TBC1D23: variants seen among roughly 807,000 people sequenced by gnomAD.
TBC1D23 encodes the protein HCV non-structural protein 4A-transactivated protein 1.
TBC1D23 carries 55 observed loss-of-function variants against 91.4 expected under a neutral mutation model. The ratio of observed to expected loss-of-function variants is 0.60; its 90% CI spans 0.48 to 0.75. The LOEUF (loss-of-function observed/expected upper bound fraction) is 0.75. TBC1D23 is among the 30% of genes least tolerant of loss of function. TBC1D23 has a pLI of 0.00. For missense variants in TBC1D23, 725 were observed against 836.1 expected, an observed-to-expected ratio of 0.87 and a Z score of 1.64; for synonymous variants, 289 against 281.0, an observed-to-expected ratio of 1.03 and a Z score of -0.28.
At chr3:100,298,124 TC>T in intron 9 of TBC1D23, 79 bp downstream of exon 9, 1 of 1,260,730 alleles carries the variant, frequency 7.9e-7, no homozygotes, top group Non-Finnish European at 1.1e-6. Context: ...GTTCATTGAT[TC>T]CCACAAAATC....
chr3:100,271,173 G>A (rs2067596423), intron 1 of TBC1D23, among the ~76,000 whole-genome samples: 1 of 152,094 alleles, frequency 6.6e-6, no homozygotes, highest in Non-Finnish European at 1.5e-5. Flanking sequence ...ACAGAGAGTG[G>A]TCCCTATGGA....
At chr3:100,319,237 A>T in intron 17 of TBC1D23, 33 bp downstream of exon 17, 1 of 1,575,472 alleles carries the variant, frequency 6.3e-7, no homozygotes, top group Non-Finnish European at 8.6e-7. Flanking sequence ...AAGAAGTAAA[A>T]TTGAATTTGG....
intron 15 of TBC1D23, among the ~76,000 whole-genome samples, chr3:100,314,739 C>A (rs1451556995): frequency 6.6e-6 from 1 of 152,202 alleles, no homozygotes; most frequent in East Asian, 1.9e-4. Flanking sequence ...GATTGCGCCA[C>A]TGTACTCTAG....
intron 1 of TBC1D23, among the ~76,000 whole-genome samples, chr3:100,265,474 TAA>T (rs2067550402): frequency 6.6e-6 from 1 of 152,228 alleles, no homozygotes; most frequent in Non-Finnish European, 1.5e-5. Flanking sequence ...AAAATTAATA[TAA>T]GTTATGAGAA....
intron 1 of TBC1D23, among the ~76,000 whole-genome samples, chr3:100,262,560 A>G (rs1340646614): frequency 6.6e-6 from 1 of 152,056 alleles, no homozygotes; most frequent in Non-Finnish European, 1.5e-5. Context: ...CCCCGTCTCT[A>G]CTAAGAATAT....
At chr3:100,305,160 A>T (rs1705495798) in intron 12 of TBC1D23, among the ~76,000 whole-genome samples, 1 of 152,180 alleles carries the variant, frequency 6.6e-6, no homozygotes, top group African/African-American at 2.4e-5. Flanking sequence ...TGCCCATATG[A>T]TTGCCTCTAT....
chr3:100,289,709 T>C lies in TBC1D23; in HGVS notation c.477-869T>C, dbSNP rs16842072. 5.6e-3 allele frequency among the ~76,000 whole-genome samples: 846 copies of C among 152,234 alleles called. 21 individuals are homozygous for C. The highest frequency in any genetic ancestry group is 0.039 in the Admixed American group (595 of 15,288). ...TTCCTGAGATGATGACTAGAAACTG[T>C]AGGAAATCCATGGCCCAAAATGCAT... On this transcript the variant is annotated intron_variant, in intron 4 of 18. Coordinates refer to ENST00000394144, the MANE Select transcript of TBC1D23 (RefSeq NM_001199198.3).
At chr3:100,278,750 T>G (rs1288671846) in intron 1 of TBC1D23, among the ~76,000 whole-genome samples, 2 of 152,244 alleles carry the variant, frequency 1.3e-5, no homozygotes, top group African/African-American at 4.8e-5. Context: ...AAAGTATTCT[T>G]TTAATTATTT....
intron 1 of TBC1D23, among the ~76,000 whole-genome samples, chr3:100,263,317 G>C (rs1195305577): frequency 6.6e-6 from 1 of 152,136 alleles, no homozygotes; most frequent in Non-Finnish European, 1.5e-5. Flanking sequence ...CTTCTTTTCT[G>C]GTAGAATGTC....
At chr3:100,275,907 A>G (rs1398056035) in intron 1 of TBC1D23, among the ~76,000 whole-genome samples, 1 of 152,224 alleles carries the variant, frequency 6.6e-6, no homozygotes, top group African/African-American at 2.4e-5. Flanking sequence ...CCAGGCATAA[A>G]GGCCACACAT....
chr3:100,280,811 A>G lies in TBC1D23; in HGVS notation c.166-931A>G, dbSNP rs2067687654. ...CTTTCCTCCCCACCCAACTCACTGG[A>G]TTGTTTTAAAGCAAATCCTTGCTAG... On this transcript the variant is annotated intron_variant, in intron 2 of 18. Transcript: ENST00000394144. Among the ~76,000 whole-genome samples the G allele has an allele frequency of 2.0e-5, 3 of 152,172 alleles. 1 individual carries two copies. Among genetic ancestry groups the G allele is most frequent in the Admixed American group, 2.0e-4 (3 of 15,276 alleles).
At chr3:100,297,889 T>G (rs1705333144) in intron 8 of TBC1D23, 34 bp from the exon 9 acceptor site, 1 of 1,531,474 alleles carries the variant, frequency 6.5e-7, no homozygotes, top group East Asian at 2.3e-5. Context: ...TTGATTTTTT[T>G]TTTCATAATG....
At chr3:100,271,381 A>G (rs1030107887) in intron 1 of TBC1D23, among the ~76,000 whole-genome samples, 11 of 152,168 alleles carry the variant, frequency 7.2e-5, no homozygotes, top group Admixed American at 3.3e-4. Flanking sequence ...TCTAATGGCA[A>G]TTTTTGAGCA....
At chr3:100,301,685 G>A (rs1179460459) in intron 10 of TBC1D23, among the ~76,000 whole-genome samples, 1 of 152,092 alleles carries the variant, frequency 6.6e-6, no homozygotes, top group Non-Finnish European at 1.5e-5. Flanking sequence ...GAAACACATG[G>A]TTTACCATCT....
At chr3:100,301,883 A>G in intron 10 of TBC1D23, 184 bp from the exon 11 acceptor site, 1 of 545,890 alleles carries the variant, frequency 1.8e-6, no homozygotes, top group Non-Finnish European at 3.2e-6. Context: ...GTTCTATTGT[A>G]TTATAGATAC....
intron 10 of TBC1D23, among the ~76,000 whole-genome samples, chr3:100,301,094 A>G (rs1705418932): frequency 6.6e-6 from 1 of 152,188 alleles, no homozygotes; most frequent in African/African-American, 2.4e-5. Flanking sequence ...TATTTCTGTA[A>G]AATAGATTCT....
intron 2 of TBC1D23, among the ~76,000 whole-genome samples, chr3:100,280,557 T>C (rs1403899299): frequency 6.6e-6 from 1 of 152,266 alleles, no homozygotes; most frequent in East Asian, 1.9e-4. Flanking sequence ...ACCTACCACC[T>C]ATAGGTAAAA....
chr3:100,321,086 C>A (rs960748919), intron 18 of TBC1D23, 115 bp downstream of exon 18: 3 of 745,898 alleles, frequency 4.0e-6, no homozygotes, highest in Non-Finnish European at 6.3e-6. Context: ...AATAGGATAG[C>A]TGAACCACTT....
chr3:100,282,394 G>A (rs1433758861), intron 3 of TBC1D23, among the ~76,000 whole-genome samples: 1 of 152,142 alleles, frequency 6.6e-6, no homozygotes, highest in Non-Finnish European at 1.5e-5. Flanking sequence ...TGGGTTTGTT[G>A]TAGTCTTAAA....
Sources: allele counts gnomAD v4.1 joint callset (sites outside exome capture counted in the v4.1 genomes callset), GRCh38; gene constraint gnomAD v4.1.1; transcripts MANE v1.5; gene names NCBI Gene and HGNC (gene_info 2026-07-23, HGNC 2026-07-21).